PAM: variants seen among roughly 807,000 people sequenced by gnomAD.
PAM encodes the protein peptidyl-glycine alpha-amidating monooxygenase.
A neutral mutation model predicts 122.1 loss-of-function variants in PAM; 72 were observed. The ratio of observed to expected loss-of-function variants is 0.59; its 90% CI spans 0.49 to 0.72. The LOEUF (loss-of-function observed/expected upper bound fraction) is 0.72, where lower values mean the gene tolerates loss of function less well. Ranked by LOEUF, PAM falls within the 30% of genes least tolerant of loss-of-function variation. The pLI is 0.00. For missense variants in PAM, 1,106 were observed against 1,183.7 expected, an observed-to-expected ratio of 0.93 and a Z score of 0.96; for synonymous variants, 389 against 404.4, an observed-to-expected ratio of 0.96 and a Z score of 0.46.
At chr5:102,888,341 C>T (rs1793782887) in intron 3 of PAM, among the ~76,000 whole-genome samples, 1 of 151,904 alleles carries the variant, frequency 6.6e-6, no homozygotes, top group Non-Finnish European at 1.5e-5. Flanking sequence ...CTCAGTTCCA[C>T]CAGTGTGTCT....
intron 7 of PAM, among the ~76,000 whole-genome samples, chr5:102,936,837 G>A (rs548001353): frequency 6.6e-6 from 1 of 152,080 alleles, no homozygotes; most frequent in African/African-American, 2.4e-5. Flanking sequence ...TGATTTTTAT[G>A]CAAACTAAAC....
chr5:102,872,678 T>C (rs953471291), intron 3 of PAM, among the ~76,000 whole-genome samples: 1 of 152,208 alleles, frequency 6.6e-6, no homozygotes, highest in African/African-American at 2.4e-5. Flanking sequence ...AATATCTGTT[T>C]TATCAGAGGT....
At chr5:102,819,251 C>T (rs1770911345) in intron 1 of PAM, among the ~76,000 whole-genome samples, 1 of 152,120 alleles carries the variant, frequency 6.6e-6, no homozygotes, top group Non-Finnish European at 1.5e-5. Flanking sequence ...TTCCAGAATA[C>T]ATTCATTTAT....
chr5:102,990,229 C>A, intron 15 of PAM, 43 bp from the exon 16 acceptor site: 1 of 1,429,012 alleles, frequency 7.0e-7, no homozygotes, highest in South Asian at 1.7e-5. Context: ...TGAGGCAATT[C>A]GACCTTTCCC....
At chr5:102,779,918 T>TATATACACAC (rs147065045) in intron 1 of PAM, among the ~76,000 whole-genome samples, 9 of 95,664 alleles carry the variant, frequency 9.4e-5, no homozygotes, top group South Asian at 3.7e-4. Flanking sequence ...TATATATATA[T>TATATACACAC]ACACACATAT....
At chr5:102,965,313 C>G (rs1763762943) in intron 14 of PAM, among the ~76,000 whole-genome samples, 1 of 151,502 alleles carries the variant, frequency 6.6e-6, no homozygotes, top group Non-Finnish European at 1.5e-5. Context: ...CTATAAACAT[C>G]CTGAACTTTC....
intron 1 of PAM, among the ~76,000 whole-genome samples, chr5:102,820,875 C>A (rs563021901): frequency 6.6e-6 from 1 of 151,960 alleles, no homozygotes; most frequent in Non-Finnish European, 1.5e-5. Flanking sequence ...TCTGAAGAAC[C>A]CTGGAATACA....
intron 1 of PAM, among the ~76,000 whole-genome samples, chr5:102,858,930 A>T (rs968210813): frequency 2.6e-5 from 4 of 152,194 alleles, no homozygotes; most frequent in African/African-American, 9.7e-5. Context: ...AACAATTCCT[A>T]TCACCTAGTA....
intron 15 of PAM, among the ~76,000 whole-genome samples, chr5:102,976,174 G>A (rs1767601384): frequency 6.6e-6 from 1 of 152,076 alleles, no homozygotes; most frequent in African/African-American, 2.4e-5. Context: ...AAAGGAACAT[G>A]TATTTCCTTT....
intron 1 of PAM, among the ~76,000 whole-genome samples, chr5:102,819,062 A>G (rs1162657334): frequency 2.0e-5 from 3 of 152,166 alleles, no homozygotes; most frequent in African/African-American, 7.2e-5. Flanking sequence ...GAGGATACAA[A>G]ACAGAAAGAC....
chr5:102,977,143 AG>A (rs1287191810), intron 15 of PAM, among the ~76,000 whole-genome samples: 1 of 152,200 alleles, frequency 6.6e-6, no homozygotes, highest in East Asian at 1.9e-4. Context: ...TGAAATTAAT[AG>A]ATCAGCTCAA....
intron 1 of PAM, among the ~76,000 whole-genome samples, chr5:102,760,414 C>T (rs375888741): frequency 2.0e-5 from 3 of 152,260 alleles, no homozygotes; most frequent in South Asian, 2.1e-4. Flanking sequence ...ACCCTGATTT[C>T]GTTAGCCTGC....
intron 2 of PAM, among the ~76,000 whole-genome samples, chr5:102,866,972 T>G: frequency 6.6e-6 from 1 of 152,362 alleles, no homozygotes; most frequent in Middle Eastern, 3.4e-3. Flanking sequence ...CATATTTTTA[T>G]ATGACATAAT....
intron 3 of PAM, among the ~76,000 whole-genome samples, chr5:102,890,591 C>G (rs927921961): frequency 6.6e-6 from 1 of 151,802 alleles, no homozygotes; most frequent in African/African-American, 2.4e-5. Context: ...GGTCATTGGA[C>G]TACAGAAATC....
intron 4 of PAM, among the ~76,000 whole-genome samples, chr5:102,902,224 G>T (rs1798167004): frequency 6.6e-6 from 1 of 151,586 alleles, no homozygotes; most frequent in South Asian, 2.1e-4. Flanking sequence ...GTCTGAACTG[G>T]CTATTATGTG....
chr5:102,782,974 C>T lies in PAM; in HGVS notation c.-374+27626C>T, dbSNP rs796149495. On this transcript the variant is annotated intron_variant, in intron 1 of 25. Coordinates refer to ENST00000438793, the MANE Select transcript of PAM (RefSeq NM_001177306.2). Reference sequence around the variant, plus strand: ...TTCCCAGTTGGCAGTACCACTTTTACACTTTGAAGATGGAAACTTGGCAGG... The same window carrying T: ...TTCCCAGTTGGCAGTACCACTTTTATACTTTGAAGATGGAAACTTGGCAGG... Among the ~76,000 whole-genome samples the T allele has an allele frequency of 4.3e-4, 66 of 151,834 alleles. 1 individual carries two copies. Among genetic ancestry groups the T allele is most frequent in the African/African-American group, 1.5e-3 (64 of 41,404 alleles).
At chr5:103,012,089 G>T (rs549894891) in intron 21 of PAM, among the ~76,000 whole-genome samples, 6 of 152,024 alleles carry the variant, frequency 3.9e-5, no homozygotes, top group Non-Finnish European at 7.4e-5. Context: ...CAAATCTTTT[G>T]CCCATTTTTT....
Position 102,965,324 on chromosome 5 carries a change from T to C in PAM, c.1162+4095T>C, listed in dbSNP as rs556993254. On this transcript the variant is annotated intron_variant, in intron 14 of 25. Transcript: ENST00000438793. ...AAAGCTATAAACATCCTGAACTTTC[T>C]ATAACCATTGTTTAAGCAAAGAATA... 6.6e-5 allele frequency among the ~76,000 whole-genome samples: 10 copies of C among 151,902 alleles called. No homozygotes were observed. The East Asian group carries it at 1.7e-3, about 26-fold the overall frequency.
At chr5:102,880,987 G>A (rs1321075799) in intron 3 of PAM, among the ~76,000 whole-genome samples, 3 of 152,150 alleles carry the variant, frequency 2.0e-5, no homozygotes, top group Admixed American at 6.5e-5. Flanking sequence ...ATGTGCAACT[G>A]TGTGTCAGTA....
Sources: allele counts gnomAD v4.1 joint callset (sites outside exome capture counted in the v4.1 genomes callset), GRCh38; gene constraint gnomAD v4.1.1; transcripts MANE v1.5; gene names NCBI Gene and HGNC (gene_info 2026-07-23, HGNC 2026-07-21).